Variants in BMP2K observed in about 807,000 individuals in gnomAD.
BMP2K encodes BMP-2-inducible protein kinase.
A neutral mutation model predicts 116.0 loss-of-function variants in BMP2K; 74 were observed. That is an observed-to-expected ratio of 0.64 (90% CI 0.53 to 0.77). BMP2K has a LOEUF of 0.77. Among genes scored for constraint, BMP2K ranks in the 30% least tolerant of loss-of-function variants. The pLI is 0.00. For missense variants in BMP2K, 1,365 were observed against 1,403.6 expected (o/e 0.97, Z 0.44); for synonymous variants, 486 against 502.5 (o/e 0.97, Z 0.44).
At chr4:78,794,295 T>C (rs1448546059) in intron 1 of BMP2K, among the ~76,000 whole-genome samples, 2 of 152,116 alleles carry the variant, frequency 1.3e-5, no homozygotes, top group Non-Finnish European at 2.9e-5. Flanking sequence ...AATGTTTCCA[T>C]AGAAAAGTTT....
Position 78,776,648 on chromosome 4 carries a change from C to T in BMP2K, c.105C>T (p.Gly35=). The stretch of plus-strand genomic sequence containing the variant: ...GGGCCGGGGCCGGCTGCGGCTCCGG[C>T]GGCTCGTCCGTGGGGGTCCGGGTGT... ...GAGAGAGCGS[G]GSSVGVRVFA... The change falls in exon 1 of 16, where the codon GGC becomes GGT. Residue 35 remains glycine (G), a synonymous_variant. Coordinates refer to ENST00000502613, the MANE Select transcript of BMP2K (RefSeq NM_198892.2). The T allele has an allele frequency of 2.5e-6, 3 of 1,223,852 alleles. No homozygotes were observed. Among genetic ancestry groups the T allele is most frequent in the Non-Finnish European group, 3.1e-6 (3 of 978,784 alleles). The allele number at this position is 1,223,852 out of a possible 1,614,324, so 75.8% of individuals were successfully genotyped here.
intron 1 of BMP2K, among the ~76,000 whole-genome samples, chr4:78,788,505 T>G (rs898179343): frequency 5.3e-5 from 8 of 152,088 alleles, no homozygotes; most frequent in Non-Finnish European, 5.9e-5. Context: ...AATAGTTAAC[T>G]GGATTGCTAA....
At chr4:78,800,933 A>G (rs1728539678) in intron 1 of BMP2K, among the ~76,000 whole-genome samples, 1 of 152,214 alleles carries the variant, frequency 6.6e-6, no homozygotes, top group African/African-American at 2.4e-5. Flanking sequence ...CTTTCCTTTC[A>G]GTGTATTTCA....
intron 6 of BMP2K, 77 bp from the exon 7 acceptor site, chr4:78,850,847 G>T: frequency 6.7e-7 from 1 of 1,496,898 alleles, no homozygotes. Flanking sequence ...CTTTTTTAAA[G>T]TAACATTGAG....
At chr4:78,870,550 T>C (rs879906443) in intron 10 of BMP2K, among the ~76,000 whole-genome samples, 3 of 152,190 alleles carry the variant, frequency 2.0e-5, no homozygotes, top group Non-Finnish European at 4.4e-5. Context: ...GTATGAAACA[T>C]GAAGTGTTTC....
At chr4:78,818,000 T>G (rs1437050205) in intron 1 of BMP2K, among the ~76,000 whole-genome samples, 2 of 152,196 alleles carry the variant, frequency 1.3e-5, no homozygotes, top group Admixed American at 1.3e-4. Context: ...TTTAAGGCTT[T>G]TCCTCCCTAA....
At chr4:78,825,983 AT>A (rs1729850022) in intron 1 of BMP2K, 53 bp from the exon 2 acceptor site, 3 of 1,306,788 alleles carry the variant, frequency 2.3e-6, no homozygotes, top group South Asian at 1.2e-5. Context: ...ATATTACATG[AT>A]TTTGGCATTT....
chr4:78,861,082 C>T (rs775347058), intron 8 of BMP2K, among the ~76,000 whole-genome samples: 17 of 151,734 alleles, frequency 1.1e-4, no homozygotes, highest in East Asian at 3.9e-4. Context: ...TATTGATTTA[C>T]GAGTGTAATA....
intron 1 of BMP2K, among the ~76,000 whole-genome samples, chr4:78,813,658 A>G (rs1466105631): frequency 6.6e-6 from 1 of 152,118 alleles, no homozygotes; most frequent in African/African-American, 2.4e-5. Flanking sequence ...CGAGGTCTGC[A>G]TGGCCCATTC....
At chr4:78,784,863 A>G (rs1420785068) in intron 1 of BMP2K, among the ~76,000 whole-genome samples, 1 of 151,814 alleles carries the variant, frequency 6.6e-6, no homozygotes, top group East Asian at 1.9e-4. Context: ...ATGAAGTGGA[A>G]AAAATGAATT....
chr4:78,870,982 ACAGCAGCAGCAGCAGCAGCAG>A lies in BMP2K; in HGVS notation c.1440_1460del (p.Gln480_Gln486del). The A allele has an allele frequency of 6.3e-7, 1 of 1,576,980 alleles. No individual in the cohort carries two copies. The highest frequency in any genetic ancestry group is 1.1e-5 in the South Asian group (1 of 89,602). On this transcript the variant is annotated inframe_deletion, in exon 11 of 16. Coordinates refer to ENST00000502613, the MANE Select transcript of BMP2K (RefSeq NM_198892.2). ...AGCAACAGCAGCAGCAGCAACAGCAACAGCAGCAGCAGCAGCAGCAGCAGCAGCACCACCACCACCACCACC... is the reference window on the plus strand; with the variant it reads ...AGCAACAGCAGCAGCAGCAACAGCAACAGCAGCACCACCACCACCACCACC...
chr4:78,777,540 C>T (rs908135765), intron 1 of BMP2K, among the ~76,000 whole-genome samples: 3 of 152,210 alleles, frequency 2.0e-5, no homozygotes, highest in Admixed American at 2.0e-4. Context: ...GTATTTCTGG[C>T]ATAATTGCCT....
intron 1 of BMP2K, among the ~76,000 whole-genome samples, chr4:78,793,402 T>G (rs1308886272): frequency 7.3e-6 from 1 of 136,870 alleles, no homozygotes; most frequent in East Asian, 2.1e-4. Context: ...AGAGTGAGAC[T>G]CCGTCTCAAA....
At position 78,915,653 on chromosome 4, in the gene BMP2K, C is replaced by T. The variant is rs998212067; in HGVS notation, c.*3620C>T. On this transcript the variant is annotated 3_prime_UTR_variant, in exon 16 of 16. Coordinates refer to ENST00000502613, the MANE Select transcript of BMP2K (RefSeq NM_198892.2). ...AAAATATGTACACACATGCATGTCA[C>T]ATCTCTCTACTGTGGAGTTAATGTG... 4.0e-5 allele frequency: 6 copies of T among 151,824 alleles called. No individual in the cohort carries two copies. Among genetic ancestry groups the T allele is most frequent in the Non-Finnish European group, 5.9e-5 (4 of 67,872 alleles). The allele number at this position is 151,824 out of a possible 1,614,324, so 9.4% of individuals were successfully genotyped here.
intron 1 of BMP2K, among the ~76,000 whole-genome samples, chr4:78,824,070 A>C (rs929059784): frequency 7.9e-5 from 12 of 152,218 alleles, no homozygotes; most frequent in African/African-American, 2.9e-4. Flanking sequence ...TTTTACGTAA[A>C]GTACCTTTCC....
intron 13 of BMP2K, among the ~76,000 whole-genome samples, chr4:78,873,277 G>A (rs1732462699): frequency 6.6e-6 from 1 of 152,038 alleles, no homozygotes; most frequent in Non-Finnish European, 1.5e-5. Flanking sequence ...TACTGTTACC[G>A]TAACATAGTT....
rs749470929 is a variant in BMP2K at position 78,911,464 on chromosome 4, C to T, written c.2917C>T (p.Arg973Cys). 3 of 1,614,002 alleles carry T rather than the reference C, an allele frequency of 1.9e-6. No homozygotes were observed. The highest frequency in any genetic ancestry group is 2.2e-5 in the East Asian group (1 of 44,874). Residue 973 changes from arginine (R) to cysteine (C), a missense_variant, in exon 16 of 16, where the codon CGC (arginine) becomes TGC (cysteine). Around this residue, in one of 3 missense-constraint regions of BMP2K, gnomAD observed 596 missense variants for 623.2 expected, o/e 0.96. Transcript: ENST00000502613. ...GAGCCAGCAGCAAAAAGTCAAACAG[C>T]GCAGCTTACAGAAACTGTCCTCTCG... ...TGSQQQKVKQ[R>C]SLQKLSSRQR...
At position 78,776,635 on chromosome 4, in the gene BMP2K, G is replaced by GGGCCGT. The variant is rs1353451179; in HGVS notation, c.92_93insGGCCGT (p.Gly31_Cys32insAlaVal). 1.6e-6 allele frequency: 2 copies of GGGCCGT among 1,216,050 alleles called. No homozygotes were observed. Among genetic ancestry groups the GGGCCGT allele is most frequent in the African/African-American group, 3.2e-5 (2 of 63,356 alleles). 75.3% of individuals were successfully genotyped at this position (1,216,050 alleles called of 1,614,324 possible). A position where few individuals can be genotyped will look rare whatever the true frequency, so the allele number is the denominator to read the frequency against. On this transcript the variant is annotated inframe_insertion, in exon 1 of 16. Coordinates refer to ENST00000502613, the MANE Select transcript of BMP2K (RefSeq NM_198892.2). ...GCTGGCGGGGCCGGGGCCGGGGCCG[G>GGGCCGT]CTGCGGCTCCGGCGGCTCGTCCGTG...
At chr4:78,805,738 AGGCGGGTGG>A (rs1728786092) in intron 1 of BMP2K, among the ~76,000 whole-genome samples, 1 of 152,156 alleles carries the variant, frequency 6.6e-6, no homozygotes. Context: ...TGGGAGGCTG[AGGCGGGTGG>A]ATCACAAGGG....
Sources: gnomAD v4.1 joint callset for allele counts (sites outside exome capture counted in the v4.1 genomes callset) on GRCh38, gnomAD v4.1.1 for gene constraint, gnomAD v4.1.1 regional missense constraint, MANE v1.5 for transcripts, NCBI Gene and HGNC (gene_info 2026-07-23, HGNC 2026-07-21) for gene names.